The following ARHGAP24 variants were observed in gnomAD, a reference collection of about 807,000 sequenced individuals.
ARHGAP24 encodes the protein rho GTPase-activating protein 24.
Under a neutral mutation model 76.4 loss-of-function variants are expected in ARHGAP24, and 50 were observed. The ratio of observed to expected loss-of-function variants is 0.65; its 90% CI spans 0.52 to 0.83. The LOEUF (loss-of-function observed/expected upper bound fraction) is 0.83. ARHGAP24 is among the 40% of genes least tolerant of loss of function. The pLI is 0.00. For missense variants in ARHGAP24, 930 were observed against 914.2 expected (o/e 1.02, Z -0.22); for synonymous variants, 345 against 323.3 (o/e 1.07, Z -0.72).
intron 2 of ARHGAP24, among the ~76,000 whole-genome samples, chr4:85,646,755 A>C (rs922690533): frequency 6.6e-6 from 1 of 152,072 alleles, no homozygotes; most frequent in Admixed American, 6.6e-5. Flanking sequence ...AAGTATTGTG[A>C]TCTGGCCATA....
chr4:85,895,179 C>G (rs1734107557), intron 3 of ARHGAP24, among the ~76,000 whole-genome samples: 1 of 151,744 alleles, frequency 6.6e-6, no homozygotes, highest in Non-Finnish European at 1.5e-5. Flanking sequence ...AACCAGAAAC[C>G]ACCTGTACCC....
rs575311106 is a variant in ARHGAP24 at position 85,934,763 on chromosome 4, C to A, written c.392-7303C>A. ...CTCCTGACCTCAAGTAATCCTCCCA[C>A]CTCGGCCTCCCAAAGTGCTGGGATT... On this transcript the variant is annotated intron_variant, in intron 4 of 9. Coordinates refer to ENST00000395184, the MANE Select transcript of ARHGAP24 (RefSeq NM_001025616.3). Among the ~76,000 whole-genome samples, 11 of 152,314 alleles carry A rather than the reference C, an allele frequency of 7.2e-5. No individual in the cohort carries two copies. The South Asian group carries it at 2.3e-3, about 32-fold the overall frequency.
intron 2 of ARHGAP24, among the ~76,000 whole-genome samples, chr4:85,713,914 T>C (rs150648093): frequency 6.6e-6 from 1 of 152,280 alleles, no homozygotes; most frequent in Non-Finnish European, 1.5e-5. Context: ...GCCTGTAATA[T>C]TACAGAGTGG....
chr4:85,962,478 G>C (rs1344997568), intron 5 of ARHGAP24, among the ~76,000 whole-genome samples: 2 of 152,042 alleles, frequency 1.3e-5, no homozygotes, highest in South Asian at 2.1e-4. Context: ...GTAATCTATT[G>C]TATGGTGGAT....
chr4:85,669,946 C>T (rs1358409287), intron 2 of ARHGAP24, among the ~76,000 whole-genome samples: 1 of 151,810 alleles, frequency 6.6e-6, no homozygotes, highest in Non-Finnish European at 1.5e-5. Flanking sequence ...TCTTCTGGGG[C>T]TTTAGTGCAG....
At chr4:85,915,719 C>G (rs944038069) in intron 3 of ARHGAP24, among the ~76,000 whole-genome samples, 1 of 152,132 alleles carries the variant, frequency 6.6e-6, no homozygotes, top group Non-Finnish European at 1.5e-5. Context: ...TGGTTTCCAG[C>G]TTCATCTAGG....
intron 3 of ARHGAP24, among the ~76,000 whole-genome samples, chr4:85,810,009 T>C (rs1006683362): frequency 5.9e-5 from 9 of 152,218 alleles, no homozygotes; most frequent in African/African-American, 2.2e-4. Context: ...TTGTAACATA[T>C]TATGAAATCA....
At chr4:85,630,915 T>C (rs7664042) in intron 2 of ARHGAP24, among the ~76,000 whole-genome samples, 85,915 of 151,850 alleles carry the variant, frequency 0.57, 25,222 homozygotes, top group Non-Finnish European at 0.64. Flanking sequence ...TTGTGATACA[T>C]AGTGTTAATA....
chr4:85,983,078 T>C (rs1739772171), intron 8 of ARHGAP24, among the ~76,000 whole-genome samples: 2 of 152,192 alleles, frequency 1.3e-5, no homozygotes, highest in African/African-American at 4.8e-5. Flanking sequence ...GCTCCATCCA[T>C]GTCCCTGCAA....
chr4:85,866,927 A>G (rs1732231906), intron 3 of ARHGAP24, among the ~76,000 whole-genome samples: 1 of 152,152 alleles, frequency 6.6e-6, no homozygotes, highest in South Asian at 2.1e-4. Flanking sequence ...CTGCCTGCCC[A>G]TGCTTTTGTG....
intron 7 of ARHGAP24, chr4:85,975,405 GT>G (rs2148854592): frequency 6.2e-6 from 1 of 160,212 alleles, no homozygotes; most frequent in South Asian, 1.8e-4. Flanking sequence ...TCACATAGTT[GT>G]TTTAAAAATT....
intron 3 of ARHGAP24, among the ~76,000 whole-genome samples, chr4:85,913,138 A>G (rs1735178286): frequency 6.6e-6 from 1 of 151,950 alleles, no homozygotes; most frequent in Admixed American, 6.6e-5. Flanking sequence ...CCATCCAGCC[A>G]TTGCTGCCCC....
intron 2 of ARHGAP24, among the ~76,000 whole-genome samples, chr4:85,686,123 A>C (rs1169456171): frequency 6.6e-6 from 1 of 152,234 alleles, no homozygotes; most frequent in African/African-American, 2.4e-5. Flanking sequence ...AGAAGGTCCC[A>C]AAAGACTGGC....
intron 2 of ARHGAP24, among the ~76,000 whole-genome samples, chr4:85,619,650 T>G (rs1720651192): frequency 1.3e-5 from 2 of 152,098 alleles, no homozygotes; most frequent in South Asian, 4.1e-4. Context: ...TGTTTTACAG[T>G]TTTCAGGATA....
chr4:85,970,616 A>G (rs930524780), intron 5 of ARHGAP24, among the ~76,000 whole-genome samples: 1 of 152,084 alleles, frequency 6.6e-6, no homozygotes, highest in African/African-American at 2.4e-5. Context: ...CAGCTCATAT[A>G]ATTTCATACA....
chr4:85,746,074 A>G (rs991294746), intron 3 of ARHGAP24, among the ~76,000 whole-genome samples: 4 of 152,218 alleles, frequency 2.6e-5, no homozygotes, highest in African/African-American at 9.6e-5. Context: ...ATATAATTCT[A>G]TAGATTTCCT....
At chr4:85,683,098 C>T (rs1431461977) in intron 2 of ARHGAP24, among the ~76,000 whole-genome samples, 1 of 39,404 alleles carries the variant, frequency 2.5e-5, no homozygotes, top group African/African-American at 1.2e-4. Flanking sequence ...ACTCTTAACT[C>T]TCTCAGTGTG....
intron 5 of ARHGAP24, among the ~76,000 whole-genome samples, chr4:85,963,042 T>C (rs999461318): frequency 1.3e-5 from 2 of 152,062 alleles, no homozygotes; most frequent in Non-Finnish European, 2.9e-5. Flanking sequence ...GTAATATGTG[T>C]ATGTACACAC....
intron 1 of ARHGAP24, among the ~76,000 whole-genome samples, chr4:85,566,815 A>G (rs1328783106): frequency 6.6e-6 from 1 of 152,224 alleles, no homozygotes; most frequent in Non-Finnish European, 1.5e-5. Context: ...GCGATAGAGA[A>G]TAGAAAGAGG....
Sources: allele counts gnomAD v4.1 joint callset (sites outside exome capture counted in the v4.1 genomes callset), GRCh38; gene constraint gnomAD v4.1.1; transcripts MANE v1.5; gene names NCBI Gene and HGNC (gene_info 2026-07-23, HGNC 2026-07-21).